Variants in PACSIN2 observed in about 807,000 individuals in gnomAD.
PACSIN2 encodes protein kinase C and casein kinase substrate in neurons 2.
PACSIN2 carries 25 observed loss-of-function variants against 63.8 expected under a neutral mutation model. The observed-to-expected ratio is 0.39, with a 90% CI of 0.29 to 0.55. PACSIN2 has a LOEUF of 0.55. Among genes scored for constraint, PACSIN2 ranks in the 20% least tolerant of loss-of-function variants. The pLI, the probability that PACSIN2 is intolerant of heterozygous loss-of-function variation, is 0.62. For synonymous variants in PACSIN2, 255 were observed against 256.2 expected (o/e 1.00, Z 0.05); for missense variants, 518 against 646.9 (o/e 0.80, Z 2.16).
chr22:42,944,901 C>T (rs956742396), intron 1 of PACSIN2, among the ~76,000 whole-genome samples: 1 of 152,082 alleles, frequency 6.6e-6, no homozygotes, highest in Non-Finnish European at 1.5e-5. Context: ...AGTTCAAGAC[C>T]AGCCGGGCCA....
chr22:42,902,339 C>T lies in PACSIN2; in HGVS notation c.61-8726G>A, dbSNP rs189324343. ...CTGGGGGCTCTGCTGCCCCAGGACG[C>T]TTCCCCCACAGATTACCCCTCCCCC... On this transcript the variant is annotated intron_variant, in intron 2 of 10. Coordinates refer to ENST00000263246, the MANE Select transcript of PACSIN2 (RefSeq NM_001184970.3). Among the ~76,000 whole-genome samples, 279 of 152,268 alleles carry T rather than the reference C, an allele frequency of 1.8e-3. 4 individuals are homozygous for T. The highest frequency in any genetic ancestry group is 0.015 in the Admixed American group (237 of 15,304).
intron 1 of PACSIN2, among the ~76,000 whole-genome samples, chr22:42,998,479 A>G (rs899763724): frequency 1.3e-5 from 2 of 152,088 alleles, no homozygotes; most frequent in Non-Finnish European, 2.9e-5. Flanking sequence ...GCAACAATAA[A>G]CTTTTTCTGA....
intron 1 of PACSIN2, among the ~76,000 whole-genome samples, chr22:42,999,864 A>G (rs533668399): frequency 6.6e-6 from 1 of 152,206 alleles, no homozygotes; most frequent in Admixed American, 6.5e-5. Context: ...CCTCAACTGT[A>G]AAGTGGGAAT....
At chr22:42,889,377 C>CACACACAT (rs1247977421) in intron 4 of PACSIN2, among the ~76,000 whole-genome samples, 20 of 149,346 alleles carry the variant, frequency 1.3e-4, no homozygotes, top group South Asian at 2.1e-4. Flanking sequence ...GGTTTTTACA[C>CACACACAT]ACACACACAC....
At chr22:42,885,929 C>T (rs1423531396) in intron 5 of PACSIN2, among the ~76,000 whole-genome samples, 4 of 152,318 alleles carry the variant, frequency 2.6e-5, no homozygotes, top group Middle Eastern at 6.8e-3. Context: ...CCACACTGCC[C>T]GTGCCCACTA....
intron 1 of PACSIN2, among the ~76,000 whole-genome samples, chr22:42,942,012 G>C (rs967246504): frequency 6.6e-6 from 1 of 152,016 alleles, no homozygotes; most frequent in Non-Finnish European, 1.5e-5. Flanking sequence ...CTTGACCTCA[G>C]GTGATCTGCC....
intron 2 of PACSIN2, among the ~76,000 whole-genome samples, chr22:42,898,097 G>C (rs917528036): frequency 3.3e-5 from 5 of 152,096 alleles, no homozygotes; most frequent in African/African-American, 9.7e-5. Context: ...CCAGAGAATG[G>C]GGCTGCTCAG....
At chr22:42,898,856 C>A (rs1490947418) in intron 2 of PACSIN2, among the ~76,000 whole-genome samples, 1 of 152,162 alleles carries the variant, frequency 6.6e-6, no homozygotes, top group African/African-American at 2.4e-5. Flanking sequence ...CTCAACCATC[C>A]CTGTGCAGAA....
intron 5 of PACSIN2, among the ~76,000 whole-genome samples, chr22:42,885,156 G>A (rs1195918981): frequency 6.6e-6 from 1 of 152,196 alleles, no homozygotes; most frequent in Admixed American, 6.5e-5. Flanking sequence ...ATGTTAAAAA[G>A]CAGGTGTGGC....
At chr22:42,919,772 C>CA (rs761464603) in intron 1 of PACSIN2, among the ~76,000 whole-genome samples, 1,489 of 48,648 alleles carry the variant, frequency 0.031, 57 homozygotes, top group African/African-American at 0.037. Flanking sequence ...GAACCTGTCT[C>CA]AAAAAAAAAA....
chr22:42,872,706 T>C (rs1235198054), intron 10 of PACSIN2, among the ~76,000 whole-genome samples: 1 of 152,150 alleles, frequency 6.6e-6, no homozygotes, highest in Non-Finnish European at 1.5e-5. Flanking sequence ...ATCTGTGGAC[T>C]GGGGGTACTG....
intron 3 of PACSIN2, among the ~76,000 whole-genome samples, chr22:42,892,155 C>T (rs377121259): frequency 6.6e-6 from 1 of 152,156 alleles, no homozygotes; most frequent in South Asian, 2.1e-4. Context: ...AAGCCCTAAT[C>T]CAGGCTGGCA....
intron 2 of PACSIN2, chr22:42,909,489 G>A (rs1337250018): frequency 2.1e-6 from 1 of 470,920 alleles, no homozygotes; most frequent in East Asian, 6.9e-5. Flanking sequence ...GGCCATCACT[G>A]AGCAGTCACT....
At position 42,972,196 on chromosome 22, in the gene PACSIN2, A is replaced by G. The variant is rs1417720277; in HGVS notation, c.-78+42825T>C. On this transcript the variant is annotated intron_variant, in intron 1 of 10. Coordinates refer to ENST00000263246, the MANE Select transcript of PACSIN2 (RefSeq NM_001184970.3). ...TTCTGCCTTGGGACGCTGTTGATCT[A>G]TGGCCTTGCCCCCAATCCCGTGCTC... 3.3e-5 allele frequency among the ~76,000 whole-genome samples: 5 copies of G among 152,358 alleles called. No homozygotes were observed. The South Asian group carries it at 6.2e-4, about 19-fold the overall frequency.
At position 42,961,807 on chromosome 22, in the gene PACSIN2, A is replaced by G. The variant is rs567446683; in HGVS notation, c.-77-49650T>C. ...AGAAAAAGAAATTCCTTAATGGAAAAATACCAATAAAAGCAAAGACCACAT... is the reference window on the plus strand; with the variant it reads ...AGAAAAAGAAATTCCTTAATGGAAAGATACCAATAAAAGCAAAGACCACAT... On this transcript the variant is annotated intron_variant, in intron 1 of 10. Coordinates refer to ENST00000263246, the MANE Select transcript of PACSIN2 (RefSeq NM_001184970.3). 1.5e-3 allele frequency among the ~76,000 whole-genome samples: 230 copies of G among 152,278 alleles called. 3 individuals carry two copies. The highest frequency in any genetic ancestry group is 5.3e-3 in the African/African-American group (221 of 41,570).
intron 5 of PACSIN2, among the ~76,000 whole-genome samples, chr22:42,887,037 T>A (rs745910196): frequency 7.2e-5 from 11 of 152,194 alleles, no homozygotes; most frequent in Non-Finnish European, 1.5e-4. Flanking sequence ...TTTGGGCACC[T>A]GATTCCCTGG....
At chr22:42,906,688 T>C (rs537126825) in intron 2 of PACSIN2, among the ~76,000 whole-genome samples, 1 of 152,276 alleles carries the variant, frequency 6.6e-6, no homozygotes, top group South Asian at 2.1e-4. Flanking sequence ...AGGTATACAG[T>C]GCTCTGAAGA....
At chr22:42,893,351 T>C (rs1930047741) in intron 3 of PACSIN2, 106 bp downstream of exon 3, 9 of 1,217,050 alleles carry the variant, frequency 7.4e-6, no homozygotes, top group Middle Eastern at 2.7e-4. Flanking sequence ...CTTGCCCCAA[T>C]CTTAAAAGAC....
At chr22:43,004,471 G>A (rs1017259180) in intron 1 of PACSIN2, among the ~76,000 whole-genome samples, 3 of 152,176 alleles carry the variant, frequency 2.0e-5, no homozygotes, top group African/African-American at 7.2e-5. Context: ...CCACGTGCGA[G>A]CTAAGTGGCG....
Sources: gnomAD v4.1 joint callset for allele counts (sites outside exome capture counted in the v4.1 genomes callset) on GRCh38, gnomAD v4.1.1 for gene constraint, MANE v1.5 for transcripts, NCBI Gene and HGNC (gene_info 2026-07-23, HGNC 2026-07-21) for gene names.